Variants in NME9 observed in about 807,000 individuals in gnomAD.
The protein encoded by NME9 is NME/NM23 family member 9, also known as thioredoxin domain-containing protein 6.
Under a neutral mutation model 44.4 loss-of-function variants are expected in NME9, and 48 were observed. The ratio of observed to expected loss-of-function variants is 1.08; its 90% CI spans 0.86 to 1.37. NME9 has a LOEUF of 1.37. NME9 is among the 40% of genes most tolerant of loss of function. NME9 has a pLI of 0.00. For missense variants in NME9, 325 were observed against 405.2 expected (o/e 0.80, Z 1.70); for synonymous variants, 139 against 147.1 (o/e 0.94, Z 0.40).
chr3:138,264,456 G>T (rs2048067590), intron 8 of NME9, among the ~76,000 whole-genome samples: 1 of 104,984 alleles, frequency 9.5e-6, no homozygotes, highest in African/African-American at 3.8e-5. Flanking sequence ...GTCTAGCTCT[G>T]TCACCCAGGC....
intron 8 of NME9, among the ~76,000 whole-genome samples, chr3:138,292,918 C>T (rs755583481): frequency 1.3e-5 from 2 of 152,090 alleles, no homozygotes; most frequent in African/African-American, 2.4e-5. Flanking sequence ...GAGACTCAGG[C>T]GCATAAGGTG....
At chr3:138,314,578 G>T (rs2108448332) in intron 5 of NME9, among the ~76,000 whole-genome samples, 171 bp from the exon 6 acceptor site, 1 of 152,264 alleles carries the variant, frequency 6.6e-6, no homozygotes, top group Middle Eastern at 3.4e-3. Flanking sequence ...GTTGGGTGAT[G>T]GTGTGGGACT....
intron 8 of NME9, among the ~76,000 whole-genome samples, chr3:138,270,634 G>T (rs2048702772): frequency 6.6e-6 from 1 of 152,082 alleles, no homozygotes; most frequent in African/African-American, 2.4e-5. Context: ...TAGATTGTGG[G>T]ATGGCTAATT....
At chr3:138,287,585 TTGTC>T (rs1577035319) in intron 8 of NME9, 1 of 455,540 alleles carries the variant, frequency 2.2e-6, no homozygotes, top group Non-Finnish European at 4.4e-6. Flanking sequence ...TATTGATTGA[TTGTC>T]TGAGGCTGGG....
intron 8 of NME9, among the ~76,000 whole-genome samples, chr3:138,271,798 C>CTTTCTTTTTTTTTT (rs1018824241): frequency 1.5e-5 from 2 of 136,134 alleles, no homozygotes; most frequent in African/African-American, 5.7e-5. Flanking sequence ...TTTTTTCTTT[C>CTTTCTTTTTTTTTT]TTTTTTTTTT....
chr3:138,305,007 T>A lies in NME9; in HGVS notation c.657A>T (p.Val219=), dbSNP rs1245874284. ...GGCTTGGTCCACTGCACATGTGATG[T>A]ACCAGCTTCTCAAATGCCTCCTAGG... The part of the protein sequence containing the change: ...KAGEEAFEKL[V]HHMCSGPSHL... The change falls in exon 9 of 11, where the codon GTA becomes GTT. Residue 219 remains valine (V), a synonymous_variant. Coordinates refer to ENST00000333911, the MANE Select transcript of NME9 (RefSeq NM_001349018.2). 11 of 1,613,990 alleles carry A rather than the reference T, an allele frequency of 6.8e-6. No homozygotes were observed. The highest frequency in any genetic ancestry group is 9.3e-6 in the Non-Finnish European group (11 of 1,179,914).
At position 138,304,922 on chromosome 3, in the gene NME9, C is replaced by T. The variant is rs763521362; in HGVS notation, c.742G>A (p.Val248Ile). Residue 248 changes from valine (V) to isoleucine (I), a missense_variant, in exon 9 of 11, where the codon GTC (valine) becomes ATC (isoleucine). Physicochemically the swap from Val to Ile is conservative, Grantham distance 29. Coordinates refer to ENST00000333911, the MANE Select transcript of NME9 (RefSeq NM_001349018.2). The part of the protein sequence containing the change: ...FEDVVTTWRT[V>I]MGPRDPNVAR... Reference sequence around the variant, plus strand: ...ACATTGGGGTCACGGGGGCCCATGACGGTTCGCCAGGTAGTGACCACGTCC... The same window carrying T: ...ACATTGGGGTCACGGGGGCCCATGATGGTTCGCCAGGTAGTGACCACGTCC... The T allele has an allele frequency of 3.4e-5, 55 of 1,614,056 alleles. No individual in the cohort carries two copies. The highest frequency in any genetic ancestry group is 2.1e-4 in the African/African-American group (16 of 74,924).
At chr3:138,305,831 A>G (rs1577127695) in intron 8 of NME9, 173 bp downstream of exon 8, 2 of 562,302 alleles carry the variant, frequency 3.6e-6, no homozygotes, top group East Asian at 2.8e-5. Context: ...CAACCAAAAA[A>G]CTTTACCTGA....
chr3:138,282,833 G>A (rs2050067983), intron 8 of NME9, among the ~76,000 whole-genome samples: 1 of 152,144 alleles, frequency 6.6e-6, no homozygotes, highest in Non-Finnish European at 1.5e-5. Context: ...GCATGCTCAT[G>A]TCTGCCCCTT....
At chr3:138,266,294 C>T (rs142324354) in intron 8 of NME9, among the ~76,000 whole-genome samples, 7 of 152,258 alleles carry the variant, frequency 4.6e-5, no homozygotes, top group African/African-American at 1.7e-4. Context: ...ACTCTACTCT[C>T]CAGCTACAGT....
At chr3:138,324,626 T>G in intron 2 of NME9, 1 of 608,088 alleles carries the variant, frequency 1.6e-6, no homozygotes, top group Non-Finnish European at 3.1e-6. Context: ...TTCTGTTACT[T>G]TTAACACCAA....
Position 138,319,548 on chromosome 3 carries a change from C to T in NME9, c.125G>A (p.Cys42Tyr). 6.2e-7 allele frequency: 1 copy of T among 1,613,390 alleles called. No individual in the cohort carries two copies. Among genetic ancestry groups the T allele is most frequent in the East Asian group, 2.2e-5 (1 of 44,886 alleles). Residue 42 changes from cysteine to tyrosine, a missense_variant, in exon 3 of 11, where the codon TGC becomes TAC. Transcript: ENST00000333911. ...VDVYQGWCGP[C>Y]KPVVSLFQKM... ...CTGGAAGAGGCTCACCACAGGTTTG[C>T]AGGGGCCACACCAGCCTTGATAGAC...
At chr3:138,317,492 C>T (rs896628854) in intron 4 of NME9, among the ~76,000 whole-genome samples, 3 of 152,136 alleles carry the variant, frequency 2.0e-5, no homozygotes, top group African/African-American at 7.2e-5. Context: ...AACAGTGGGC[C>T]CTAAGGGGCA....
At chr3:138,266,414 G>C (rs1005189883) in intron 8 of NME9, among the ~76,000 whole-genome samples, 1 of 152,070 alleles carries the variant, frequency 6.6e-6, no homozygotes, top group Non-Finnish European at 1.5e-5. Flanking sequence ...GTTGGGGCCA[G>C]ATTTGACATT....
intron 5 of NME9, among the ~76,000 whole-genome samples, chr3:138,314,735 G>A (rs1203886172): frequency 2.6e-5 from 4 of 152,158 alleles, no homozygotes; most frequent in Non-Finnish European, 4.4e-5. Context: ...CAGAGAAGCC[G>A]CCAAGAGATA....
intron 6 of NME9, among the ~76,000 whole-genome samples, chr3:138,307,629 A>C (rs1363464710): frequency 4.6e-5 from 7 of 152,250 alleles, no homozygotes; most frequent in Non-Finnish European, 7.3e-5. Context: ...AGAGAGTTTT[A>C]CAATAAATTC....
In NME9 at chr3:138,289,107, G is replaced by C; in HGVS notation, c.745+14400C>G. Reference sequence around the variant, plus strand: ...TGTTTTGTATATCAAACCTCATATGGAATGAAGAGGAAGGTAAGAGATTGG... The same window carrying C: ...TGTTTTGTATATCAAACCTCATATGCAATGAAGAGGAAGGTAAGAGATTGG... On this transcript the variant is annotated intron_variant, in intron 8 of 8. Transcript: ENST00000317876. 5 of 1,612,770 alleles carry C rather than the reference G, an allele frequency of 3.1e-6. No individual in the cohort carries two copies. The South Asian group carries it at 3.3e-5, about 11-fold the overall frequency.
At chr3:138,317,510 G>A (rs1346974409) in intron 4 of NME9, among the ~76,000 whole-genome samples, 1 of 152,144 alleles carries the variant, frequency 6.6e-6, no homozygotes, top group Non-Finnish European at 1.5e-5. Context: ...GCATAGAGCT[G>A]GACCATGGAT....
chr3:138,295,967 T>G, intron 8 of NME9: 2 of 1,521,306 alleles, frequency 1.3e-6, no homozygotes, highest in South Asian at 1.2e-5. Context: ...CTCATTTGAT[T>G]CCTTCTATTT....
Sources: allele counts gnomAD v4.1 joint callset (sites outside exome capture counted in the v4.1 genomes callset), GRCh38; gene constraint gnomAD v4.1.1; transcripts MANE v1.5; gene names NCBI Gene and HGNC (gene_info 2026-07-23, HGNC 2026-07-21).